Variants in PRICKLE2 observed in about 807,000 individuals in gnomAD.
PRICKLE2 encodes the protein prickle planar cell polarity protein 2, also known as prickle-like protein 2.
PRICKLE2 carries 21 observed loss-of-function variants against 81.4 expected under a neutral mutation model. That is an observed-to-expected ratio of 0.26 (90% CI 0.18 to 0.37). The LOEUF is 0.37. PRICKLE2 is among the 10% of genes least tolerant of loss of function. PRICKLE2 has a pLI of 1.00. For synonymous variants in PRICKLE2, 456 were observed against 421.5 expected (o/e 1.08, Z -1.00); for missense variants, 940 against 1,109.0 (o/e 0.85, Z 2.16).
chr3:64,134,950 T>A (rs1352902703), intron 7 of PRICKLE2, among the ~76,000 whole-genome samples: 1 of 152,210 alleles, frequency 6.6e-6, no homozygotes, highest in Non-Finnish European at 1.5e-5. Flanking sequence ...AGGCAGCCAC[T>A]GGGAAGTCTG....
chr3:64,236,202 A>G (rs183859952), intron 2 of PRICKLE2, among the ~76,000 whole-genome samples: 2 of 152,298 alleles, frequency 1.3e-5, no homozygotes, highest in Non-Finnish European at 2.9e-5. Context: ...CACCTAGCAT[A>G]CTTAGATCAT....
At chr3:64,123,853 G>A (rs1268019924) in intron 7 of PRICKLE2, among the ~76,000 whole-genome samples, 1 of 152,024 alleles carries the variant, frequency 6.6e-6, no homozygotes, top group Non-Finnish European at 1.5e-5. Flanking sequence ...TCTATTTCCT[G>A]AGACCAAACA....
chr3:64,246,595 C>A (rs563538577), intron 2 of PRICKLE2, among the ~76,000 whole-genome samples: 3 of 152,114 alleles, frequency 2.0e-5, no homozygotes, highest in Admixed American at 2.0e-4. Context: ...TTGTTGGGCC[C>A]GTGGACCAAA....
intron 1 of PRICKLE2, among the ~76,000 whole-genome samples, chr3:64,213,124 T>C (rs1404105339): frequency 5.2e-4 from 78 of 150,862 alleles, no homozygotes; most frequent in African/African-American, 1.8e-3. Flanking sequence ...TTGCCCAAGC[T>C]GGAGTGCAAT....
chr3:64,136,513 G>A (rs2077282624), intron 7 of PRICKLE2, among the ~76,000 whole-genome samples: 1 of 150,922 alleles, frequency 6.6e-6, no homozygotes, highest in Admixed American at 6.6e-5. Flanking sequence ...TGATGGAGTG[G>A]ATAGTTTATT....
intron 6 of PRICKLE2, among the ~76,000 whole-genome samples, chr3:64,151,124 C>T (rs1028300903): frequency 6.6e-6 from 1 of 152,220 alleles, no homozygotes; most frequent in Non-Finnish European, 1.5e-5. Flanking sequence ...GCAGGGCCTG[C>T]TCTGAGCGGC....
chr3:64,109,313 C>A (rs929549612), intron 7 of PRICKLE2, among the ~76,000 whole-genome samples: 6 of 152,174 alleles, frequency 3.9e-5, no homozygotes, highest in Admixed American at 1.3e-4. Context: ...ATCAAGAACT[C>A]CCCAGTTAAG....
intron 2 of PRICKLE2, among the ~76,000 whole-genome samples, chr3:64,252,443 G>A: frequency 6.6e-6 from 1 of 152,116 alleles, no homozygotes. Context: ...ACATAAAATT[G>A]GAAGCTCTCA....
intron 2 of PRICKLE2, among the ~76,000 whole-genome samples, chr3:64,165,753 C>T (rs1168460330): frequency 2.6e-5 from 4 of 152,152 alleles, no homozygotes; most frequent in Non-Finnish European, 5.9e-5. Context: ...AAGCTATTCT[C>T]CTGCCTTGGC....
At chr3:64,188,812 T>G (rs552654934) in intron 2 of PRICKLE2, among the ~76,000 whole-genome samples, 1 of 152,206 alleles carries the variant, frequency 6.6e-6, no homozygotes, top group Non-Finnish European at 1.5e-5. Flanking sequence ...AACATCAGAG[T>G]TGGGTATTTG....
intron 2 of PRICKLE2, among the ~76,000 whole-genome samples, chr3:64,191,561 C>T (rs551919755): frequency 6.6e-5 from 10 of 152,284 alleles, no homozygotes; most frequent in South Asian, 6.2e-4. Context: ...ACTCACCCTA[C>T]GGTGAAGACA....
intron 2 of PRICKLE2, among the ~76,000 whole-genome samples, chr3:64,242,640 C>T (rs941886776): frequency 6.6e-6 from 1 of 152,258 alleles, no homozygotes; most frequent in Non-Finnish European, 1.5e-5. Flanking sequence ...CCAAGATTCC[C>T]AGATTCTTTG....
intron 2 of PRICKLE2, among the ~76,000 whole-genome samples, chr3:64,264,011 G>C (rs1423472767): frequency 6.6e-6 from 1 of 152,066 alleles, no homozygotes; most frequent in Non-Finnish European, 1.5e-5. Flanking sequence ...CAGTGGGAAG[G>C]GTGGTTACTG....
At chr3:64,258,487 C>G (rs1053490331) in intron 2 of PRICKLE2, among the ~76,000 whole-genome samples, 1 of 151,986 alleles carries the variant, frequency 6.6e-6, no homozygotes, top group African/African-American at 2.4e-5. Flanking sequence ...TTGTATAATT[C>G]CCTTTATGTA....
chr3:64,138,529 C>G (rs894036592), intron 7 of PRICKLE2, among the ~76,000 whole-genome samples: 2 of 152,184 alleles, frequency 1.3e-5, no homozygotes, highest in African/African-American at 4.8e-5. Flanking sequence ...GTACAGGGAA[C>G]AAGAACTCAG....
At chr3:64,107,275 C>G (rs999699349) in intron 7 of PRICKLE2, among the ~76,000 whole-genome samples, 1 of 152,184 alleles carries the variant, frequency 6.6e-6, no homozygotes, top group African/African-American at 2.4e-5. Flanking sequence ...ATGTTTCCCT[C>G]TCTACAAATA....
At chr3:64,251,194 A>C (rs555096558) in intron 2 of PRICKLE2, among the ~76,000 whole-genome samples, 1 of 152,306 alleles carries the variant, frequency 6.6e-6, no homozygotes, top group African/African-American at 2.4e-5. Flanking sequence ...TCCATGACTA[A>C]AAGGCTTAGC....
At chr3:64,168,616 T>A (rs1575612989) in intron 2 of PRICKLE2, among the ~76,000 whole-genome samples, 1 of 152,178 alleles carries the variant, frequency 6.6e-6, no homozygotes, top group Non-Finnish European at 1.5e-5. Context: ...TATTTCATAC[T>A]CATCAGATTG....
intron 2 of PRICKLE2, among the ~76,000 whole-genome samples, chr3:64,232,273 G>C (rs1483036518): frequency 6.6e-6 from 1 of 152,138 alleles, no homozygotes; most frequent in Non-Finnish European, 1.5e-5. Flanking sequence ...GCCTTTTGTG[G>C]CTCACCATTC....
Sources: gnomAD v4.1 joint callset for allele counts (sites outside exome capture counted in the v4.1 genomes callset) on GRCh38, gnomAD v4.1.1 for gene constraint, MANE v1.5 for transcripts, NCBI Gene and HGNC (gene_info 2026-07-23, HGNC 2026-07-21) for gene names.